The following HS6ST3 variants were observed in gnomAD, a reference collection of about 807,000 sequenced individuals.
The protein encoded by HS6ST3 is heparan-sulfate 6-O-sulfotransferase 3.
HS6ST3 carries 12 observed loss-of-function variants against 36.7 expected under a neutral mutation model. That is an observed-to-expected ratio of 0.33 (90% CI 0.21 to 0.53). HS6ST3 has a LOEUF of 0.53. HS6ST3 is among the 20% of genes least tolerant of loss of function. The pLI, the probability that HS6ST3 is intolerant of heterozygous loss-of-function variation, is 0.95. For missense variants in HS6ST3, 584 were observed against 640.9 expected (o/e 0.91, Z 0.96); for synonymous variants, 240 against 257.5 (o/e 0.93, Z 0.65).
At chr13:96,395,548 G>A (rs758963139) in intron 1 of HS6ST3, among the ~76,000 whole-genome samples, 28 of 152,074 alleles carry the variant, frequency 1.8e-4, no homozygotes, top group Non-Finnish European at 3.7e-4. Flanking sequence ...ATTCAGAGAT[G>A]GCTTTGAATG....
intron 1 of HS6ST3, among the ~76,000 whole-genome samples, chr13:96,730,008 A>C (rs1876106921): frequency 6.6e-6 from 1 of 152,192 alleles, no homozygotes; most frequent in African/African-American, 2.4e-5. Flanking sequence ...TGTAGAAAAC[A>C]ATGGTTTTTA....
chr13:96,094,295 C>T (rs1287645567), intron 1 of HS6ST3, among the ~76,000 whole-genome samples: 1 of 152,116 alleles, frequency 6.6e-6, no homozygotes, highest in Non-Finnish European at 1.5e-5. Flanking sequence ...ACTGGCATAT[C>T]GTGCTTACTA....
At chr13:96,676,079 G>A (rs1019155853) in intron 1 of HS6ST3, among the ~76,000 whole-genome samples, 3 of 152,116 alleles carry the variant, frequency 2.0e-5, no homozygotes, top group African/African-American at 7.2e-5. Context: ...CTTGGAACAG[G>A]GTCCCTGTTA....
intron 1 of HS6ST3, among the ~76,000 whole-genome samples, chr13:96,278,481 A>G (rs2139392352): frequency 6.6e-6 from 1 of 152,320 alleles, no homozygotes; most frequent in South Asian, 2.1e-4. Flanking sequence ...GATATTGAAT[A>G]GGAAAAGCCA....
At chr13:96,721,375 C>T (rs1875842254) in intron 1 of HS6ST3, among the ~76,000 whole-genome samples, 1 of 151,948 alleles carries the variant, frequency 6.6e-6, no homozygotes, top group African/African-American at 2.4e-5. Flanking sequence ...TTTTCTATGA[C>T]CAAATTGAAC....
chr13:96,766,861 A>G (rs1421292715), intron 1 of HS6ST3, among the ~76,000 whole-genome samples: 1 of 152,222 alleles, frequency 6.6e-6, no homozygotes, highest in African/African-American at 2.4e-5. Context: ...TTGTCCCGTT[A>G]GAACCCCACT....
At chr13:96,822,198 A>T (rs1878549208) in intron 1 of HS6ST3, among the ~76,000 whole-genome samples, 1 of 152,072 alleles carries the variant, frequency 6.6e-6, no homozygotes, top group Non-Finnish European at 1.5e-5. Context: ...GCCTTATCTC[A>T]CTCCAAGGCG....
rs142543812 is a variant in HS6ST3, at chr13:96,372,198, C to T, written c.707+280629C>T. Among the ~76,000 whole-genome samples the T allele has an allele frequency of 2.7e-3, 406 of 152,196 alleles. 3 individuals carry two copies. Among genetic ancestry groups the T allele is most frequent in the African/African-American group, 9.2e-3 (383 of 41,534 alleles). ...CATCCTAGCAGGCATGAAGTGATATCCCATTATGATCTTGATTTGAATTTC... is the reference window on the plus strand; with the variant it reads ...CATCCTAGCAGGCATGAAGTGATATTCCATTATGATCTTGATTTGAATTTC... On this transcript the variant is annotated intron_variant, in intron 1 of 1. Coordinates refer to ENST00000376705, the MANE Select transcript of HS6ST3 (RefSeq NM_153456.4).
At chr13:96,284,632 C>G (rs931018789) in intron 1 of HS6ST3, among the ~76,000 whole-genome samples, 4 of 152,174 alleles carry the variant, frequency 2.6e-5, no homozygotes, top group African/African-American at 9.6e-5. Flanking sequence ...CAACACCTCA[C>G]AGACACACCC....
intron 1 of HS6ST3, among the ~76,000 whole-genome samples, chr13:96,272,444 C>T (rs1052255749): frequency 6.6e-6 from 1 of 152,050 alleles, no homozygotes. Flanking sequence ...ATAGGAATTC[C>T]TCCTCCCCAA....
chr13:96,312,175 G>C (rs2054944509), intron 1 of HS6ST3, among the ~76,000 whole-genome samples: 1 of 152,042 alleles, frequency 6.6e-6, no homozygotes. Flanking sequence ...TTCTTAAATT[G>C]TCCACTTAAC....
intron 1 of HS6ST3, among the ~76,000 whole-genome samples, chr13:96,665,672 G>T (rs1566424866): frequency 6.6e-6 from 1 of 152,184 alleles, no homozygotes; most frequent in East Asian, 1.9e-4. Context: ...GAATAAACAG[G>T]CCTGATTTGA....
chr13:96,412,877 G>T (rs2055514910), intron 1 of HS6ST3, among the ~76,000 whole-genome samples: 1 of 150,188 alleles, frequency 6.7e-6, no homozygotes, highest in East Asian at 1.9e-4. Flanking sequence ...ACATATATAA[G>T]CCTTGGGCAT....
At chr13:96,095,370 G>A (rs2053785198) in intron 1 of HS6ST3, among the ~76,000 whole-genome samples, 2 of 152,216 alleles carry the variant, frequency 1.3e-5, no homozygotes, top group South Asian at 2.1e-4. Flanking sequence ...GCATCATTTT[G>A]TAGGATAGAA....
At chr13:96,462,574 G>A (rs960263131) in intron 1 of HS6ST3, among the ~76,000 whole-genome samples, 1 of 152,148 alleles carries the variant, frequency 6.6e-6, no homozygotes, top group Non-Finnish European at 1.5e-5. Context: ...AGATAAGAAA[G>A]CCCACTGTCA....
intron 1 of HS6ST3, among the ~76,000 whole-genome samples, chr13:96,313,252 T>G (rs2054950800): frequency 6.6e-6 from 1 of 151,928 alleles, no homozygotes; most frequent in Non-Finnish European, 1.5e-5. Context: ...TTTCTTATTG[T>G]CTTGCAAACT....
At chr13:96,584,115 G>A (rs535110663) in intron 1 of HS6ST3, among the ~76,000 whole-genome samples, 20 of 152,010 alleles carry the variant, frequency 1.3e-4, no homozygotes, top group Non-Finnish European at 2.2e-4. Context: ...ATTTGAGTTT[G>A]TTACTTGTTC....
chr13:96,593,166 C>CT (rs2056388950), intron 1 of HS6ST3, among the ~76,000 whole-genome samples: 1 of 68,882 alleles, frequency 1.5e-5, no homozygotes, highest in Non-Finnish European at 3.0e-5. Flanking sequence ...TGTGTATTTT[C>CT]TTTCTTTCTT....
intron 1 of HS6ST3, among the ~76,000 whole-genome samples, chr13:96,436,464 A>G (rs188637278): frequency 1.5e-3 from 232 of 152,280 alleles, no homozygotes; most frequent in South Asian, 6.0e-3. Context: ...AACCAAACAC[A>G]CCGATGTTAT....
Sources: gnomAD v4.1 joint callset for allele counts (sites outside exome capture counted in the v4.1 genomes callset) on GRCh38, gnomAD v4.1.1 for gene constraint, MANE v1.5 for transcripts, NCBI Gene and HGNC (gene_info 2026-07-23, HGNC 2026-07-21) for gene names.